DAGLB: variants seen among roughly 807,000 people sequenced by gnomAD.
DAGLB encodes diacylglycerol lipase-beta.
DAGLB carries 66 observed loss-of-function variants against 72.1 expected under a neutral mutation model. The observed-to-expected ratio is 0.92, with a 90% confidence interval of 0.75 to 1.12. The LOEUF is 1.12. DAGLB is among the 50% of genes most tolerant of loss of function. DAGLB has a pLI of 0.00. For missense variants in DAGLB, 1,065 were observed against 884.9 expected (o/e 1.20, Z -2.58); for synonymous variants, 414 against 359.5 (o/e 1.15, Z -1.71).
Position 6,410,299 on chromosome 7 carries a change from C to T in DAGLB, c.1651G>A (p.Asp551Asn), listed in dbSNP as rs191768393. Residue 551 changes from aspartate to asparagine, a missense_variant, in exon 14 of 15, where the codon GAC (aspartate) becomes AAC (asparagine). By Grantham distance (23) the Asp-to-Asn change is conservative. Transcript: ENST00000297056. ...NNLPTELDGG[D>N]QEVLTQPLLG... ...AGAGGCTGTGTCAGGACTTCCTGGTCGCCCCCGTCCAGCTCCGTGGGCAAG... is the reference window on the plus strand; with the variant it reads ...AGAGGCTGTGTCAGGACTTCCTGGTTGCCCCCGTCCAGCTCCGTGGGCAAG... 146 of 1,613,960 alleles carry T rather than the reference C, an allele frequency of 9.0e-5. 1 individual carries two copies. Among genetic ancestry groups the T allele is most frequent in the Middle Eastern group, 3.3e-4 (2 of 6,062 alleles).
chr7:6,425,256 G>A (rs937086957), intron 7 of DAGLB, among the ~76,000 whole-genome samples: 4 of 152,170 alleles, frequency 2.6e-5, no homozygotes, highest in Admixed American at 2.6e-4. Flanking sequence ...TGAACACGCA[G>A]CACTGCAGCC....
rs760914104 is a variant in DAGLB at position 6,424,449 on chromosome 7, C to A, written c.1140+303G>T. On this transcript the variant is annotated intron_variant, in intron 8 of 14. Coordinates refer to ENST00000297056, the MANE Select transcript of DAGLB (RefSeq NM_139179.4). Reference sequence around the variant, plus strand: ...CCCGGGAGGGCTCCCGGGTGTGGGGCCTGGCTGGGCTCAGGGAAGTTAGGC... The same window carrying A: ...CCCGGGAGGGCTCCCGGGTGTGGGGACTGGCTGGGCTCAGGGAAGTTAGGC... Among the ~76,000 whole-genome samples the A allele has an allele frequency of 1.7e-4, 26 of 152,122 alleles. 1 individual carries two copies. The highest frequency in any genetic ancestry group is 1.2e-4 in the Non-Finnish European group (8 of 68,014).
chr7:6,430,458 G>A (rs746637770), intron 6 of DAGLB, 22 bp downstream of exon 6: 1 of 1,489,632 alleles, frequency 6.7e-7, no homozygotes, highest in Non-Finnish European at 9.0e-7. Context: ...TGGCTATGGA[G>A]GCTCAGACTG....
chr7:6,440,511 G>C (rs1784795524), intron 2 of DAGLB, among the ~76,000 whole-genome samples: 1 of 152,298 alleles, frequency 6.6e-6, no homozygotes, highest in South Asian at 2.1e-4. Context: ...TCCTTTCAGA[G>C]AGGAGTATCA....
chr7:6,416,003 G>C (rs1783900798), intron 11 of DAGLB, among the ~76,000 whole-genome samples: 2 of 151,988 alleles, frequency 1.3e-5, no homozygotes, highest in African/African-American at 4.8e-5. Flanking sequence ...GCGCATGGAT[G>C]TCAACAACCG....
chr7:6,442,939 T>C (rs1237412773), intron 2 of DAGLB, among the ~76,000 whole-genome samples: 1 of 149,852 alleles, frequency 6.7e-6, no homozygotes, highest in Non-Finnish European at 1.5e-5. Context: ...TTTGGGAGGC[T>C]GAGGCGGGCG....
chr7:6,420,152 C>T (rs1220449695), intron 9 of DAGLB, among the ~76,000 whole-genome samples: 2 of 150,832 alleles, frequency 1.3e-5, no homozygotes, highest in African/African-American at 4.9e-5. Context: ...GTCTCAGAAA[C>T]AAAAACAGTC....
chr7:6,432,133 C>G (rs1218937824), intron 5 of DAGLB, among the ~76,000 whole-genome samples: 1 of 151,546 alleles, frequency 6.6e-6, no homozygotes, highest in Non-Finnish European at 1.5e-5. Context: ...GGCAGATTAC[C>G]TGAGGTCATG....
chr7:6,442,129 C>T (rs1238563209), intron 2 of DAGLB, among the ~76,000 whole-genome samples: 1 of 152,194 alleles, frequency 6.6e-6, no homozygotes, highest in Admixed American at 6.6e-5. Flanking sequence ...CTGGGCCAAA[C>T]TGGGTCACGT....
chr7:6,445,269 A>C (rs1186051278), intron 2 of DAGLB, among the ~76,000 whole-genome samples: 1 of 152,252 alleles, frequency 6.6e-6, no homozygotes, highest in Non-Finnish European at 1.5e-5. Flanking sequence ...AATGTGGTCC[A>C]TTCATTCGAT....
rs769362782 is a variant in DAGLB, at chr7:6,446,086, C to T, written c.114G>A (p.Thr38=). The change falls in exon 2 of 15, where the codon ACG becomes ACA. Residue 38 remains threonine, a synonymous_variant. Coordinates refer to ENST00000297056, the MANE Select transcript of DAGLB (RefSeq NM_139179.4). ...VRVLWWIGIL[T]LYLMHRGKLD... is the part of the protein sequence containing the mutation. Reference sequence around the variant, plus strand: ...GCTTTCCTCTGTGCATGAGATACAACGTCAGAATGCCAATCCACCTGGCAA... The same window carrying T: ...GCTTTCCTCTGTGCATGAGATACAATGTCAGAATGCCAATCCACCTGGCAA... 8.2e-6 allele frequency: 13 copies of T among 1,583,708 alleles called. No individual in the cohort carries two copies. Among genetic ancestry groups the T allele is most frequent in the South Asian group, 5.8e-5 (5 of 86,330 alleles).
chr7:6,410,506 T>C, intron 13 of DAGLB, 126 bp from the exon 14 acceptor site: 2 of 1,394,878 alleles, frequency 1.4e-6, no homozygotes, highest in Admixed American at 2.6e-5. Flanking sequence ...CTTGGAAGAC[T>C]CCAGCAAAGA....
chr7:6,423,925 G>A (rs1034975876), intron 8 of DAGLB, among the ~76,000 whole-genome samples: 3 of 152,188 alleles, frequency 2.0e-5, no homozygotes, highest in Admixed American at 6.5e-5. Flanking sequence ...TGAACAGGGC[G>A]CCCCCCGGGA....
In DAGLB at chr7:6,409,868, G is replaced by A; in HGVS notation, c.1988C>T (p.Ala663Val). 1.2e-6 allele frequency: 2 copies of A among 1,614,032 alleles called. No individual in the cohort carries two copies. The highest frequency in any genetic ancestry group is 2.2e-5 in the South Asian group (2 of 91,090). The change falls in exon 15 of 15, where the codon GCA (alanine) becomes GTA (valine). Residue 663 changes from alanine to valine, a missense_variant. Physicochemically the swap from Ala to Val is moderately conservative, Grantham distance 64. Transcript: ENST00000297056. ...SDRAACVSCP[A>V]QGVSSVDVA Reference sequence around the variant, plus strand: ...CACGTCCACACTGGAGACCCCTTGTGCTGGACAGGAGACGCAGGCCGCTCT... The same window carrying A: ...CACGTCCACACTGGAGACCCCTTGTACTGGACAGGAGACGCAGGCCGCTCT...
Position 6,447,928 on chromosome 7 carries a change from A to G in DAGLB, c.-86T>C, listed in dbSNP as rs1785064212. ...CCAGCACCCTCCGGACGCCGCCACC[A>G]AATTATCGGCGCTCAAGCGCAAACG... On this transcript the variant is annotated 5_prime_UTR_variant, in exon 1 of 15. Coordinates refer to ENST00000297056, the MANE Select transcript of DAGLB (RefSeq NM_139179.4). The G allele has an allele frequency of 1.4e-6, 2 of 1,471,234 alleles. No homozygotes were observed. Among genetic ancestry groups the G allele is most frequent in the Admixed American group, 5.4e-5 (2 of 37,378 alleles). The allele number at this position is 1,471,234 out of a possible 1,614,324, so 91.1% of individuals were successfully genotyped here. A position where few individuals can be genotyped will look rare whatever the true frequency, so the allele number is the denominator to read the frequency against.
intron 2 of DAGLB, among the ~76,000 whole-genome samples, chr7:6,439,791 C>T (rs1335655733): frequency 6.6e-6 from 1 of 152,054 alleles, no homozygotes; most frequent in Non-Finnish European, 1.5e-5. Context: ...GTGGCTCATA[C>T]CTATAATCCG....
intron 3 of DAGLB, among the ~76,000 whole-genome samples, chr7:6,435,828 G>A (rs1296646909): frequency 6.6e-6 from 1 of 152,196 alleles, no homozygotes; most frequent in Non-Finnish European, 1.5e-5. Flanking sequence ...GGTGTGACTC[G>A]AGAAACGCAG....
intron 2 of DAGLB, 103 bp downstream of exon 2, chr7:6,445,850 T>C: frequency 7.8e-7 from 1 of 1,284,546 alleles, no homozygotes; most frequent in South Asian, 1.7e-5. Context: ...TATTAAAAAC[T>C]GTTGAATTGG....
intron 7 of DAGLB, 76 bp from the exon 8 acceptor site, chr7:6,424,911 T>C: frequency 1.4e-6 from 2 of 1,448,020 alleles, no homozygotes; most frequent in South Asian, 1.1e-5. Flanking sequence ...AGCCCTGCAG[T>C]GTCTGCAATG....
Sources: allele counts gnomAD v4.1 joint callset (sites outside exome capture counted in the v4.1 genomes callset), GRCh38; gene constraint gnomAD v4.1.1; transcripts MANE v1.5; gene names NCBI Gene and HGNC (gene_info 2026-07-23, HGNC 2026-07-21).